VTA1: variants seen among roughly 807,000 people sequenced by gnomAD.
The protein encoded by VTA1 is vacuolar protein sorting-associated protein VTA1 homolog.
In VTA1, 24 loss-of-function variants were observed where a neutral mutation model predicts 36.9. The observed-to-expected ratio is 0.65, with a 90% CI of 0.47 to 0.91. The LOEUF is 0.91. Among genes scored for constraint, VTA1 ranks in the 40% least tolerant of loss-of-function variants. VTA1 has a pLI of 0.00. For missense variants in VTA1, 393 were observed against 377.2 expected (o/e 1.04, Z -0.35); for synonymous variants, 142 against 130.2 (o/e 1.09, Z -0.62).
chr6:142,195,590 A>AT, intron 5 of VTA1, among the ~76,000 whole-genome samples: 1 of 108,730 alleles, frequency 9.2e-6, no homozygotes, highest in South Asian at 2.9e-4. Context: ...TTGGAGTTTA[A>AT]TTTGCTTTTT....
At chr6:142,208,906 G>GA (rs2114683605) in intron 7 of VTA1, among the ~76,000 whole-genome samples, 1 of 152,260 alleles carries the variant, frequency 6.6e-6, no homozygotes, top group South Asian at 2.1e-4. Context: ...CAGTCTGAAA[G>GA]AAAACACTAA....
rs150957076 is a variant in VTA1 at position 142,202,346 on chromosome 6, A to G, written c.698-1639A>G. On this transcript the variant is annotated intron_variant, in intron 6 of 7. Coordinates refer to ENST00000367630, the MANE Select transcript of VTA1 (RefSeq NM_016485.5). ...CATTTATACTTTTATACAGTTTTCT[A>G]TAAATATATTCATATACACAGTATA... Among the ~76,000 whole-genome samples, 175 of 152,056 alleles carry G rather than the reference A, an allele frequency of 1.2e-3. 2 individuals carry two copies. In the East Asian group the frequency reaches 0.031, roughly 27 times the overall value.
intron 1 of VTA1, among the ~76,000 whole-genome samples, chr6:142,149,652 T>A (rs1778527577): frequency 6.6e-6 from 1 of 152,240 alleles, no homozygotes; most frequent in Non-Finnish European, 1.5e-5. Flanking sequence ...CCCATTTCAG[T>A]TTGATTTTTC....
chr6:142,170,275 A>G, intron 3 of VTA1, 71 bp from the exon 4 acceptor site: 1 of 1,151,172 alleles, frequency 8.7e-7, no homozygotes. Context: ...TTTTTTTCTT[A>G]TAGCTAAATG....
intron 2 of VTA1, among the ~76,000 whole-genome samples, chr6:142,166,808 T>C (rs1173759857): frequency 1.3e-5 from 2 of 152,050 alleles, no homozygotes; most frequent in Non-Finnish European, 2.9e-5. Context: ...TATATTTTGG[T>C]AGAGATGGAG....
intron 4 of VTA1, among the ~76,000 whole-genome samples, chr6:142,176,444 T>A (rs1775126597): frequency 6.6e-6 from 1 of 152,190 alleles, no homozygotes; most frequent in Admixed American, 6.5e-5. Context: ...TGGCAGTACC[T>A]AACATTAGCC....
At chr6:142,218,439 A>T in intron 7 of VTA1, 59 bp from the exon 8 acceptor site, 1 of 1,572,234 alleles carries the variant, frequency 6.4e-7, no homozygotes, top group Non-Finnish European at 8.6e-7. Context: ...GCATTTGCCC[A>T]ACCTTACAGA....
At chr6:142,157,079 G>A (rs756468176) in intron 1 of VTA1, among the ~76,000 whole-genome samples, 3 of 152,162 alleles carry the variant, frequency 2.0e-5, no homozygotes, top group Non-Finnish European at 4.4e-5. Context: ...CAGAAGAATC[G>A]CTTGAACCCA....
At position 142,211,572 on chromosome 6, in the gene VTA1, G is replaced by A. The variant is rs551029753; in HGVS notation, c.779-6926G>A. 8.5e-5 allele frequency among the ~76,000 whole-genome samples: 13 copies of A among 152,122 alleles called. No homozygotes were observed. The East Asian group carries it at 9.7e-4, about 11-fold the overall frequency. The stretch of plus-strand genomic sequence containing the variant: ...TAAAAATACAAAAAATTAGCCGGGC[G>A]CGGTGGCAGGCGCCTCTAATCCCAG... On this transcript the variant is annotated intron_variant, in intron 7 of 7. Transcript: ENST00000367630.
At chr6:142,165,995 T>A (rs1391348431) in intron 1 of VTA1, among the ~76,000 whole-genome samples, 3 of 150,744 alleles carry the variant, frequency 2.0e-5, no homozygotes, top group African/African-American at 7.4e-5. Flanking sequence ...TTTTTTTTTT[T>A]AACATAATAC....
intron 4 of VTA1, among the ~76,000 whole-genome samples, chr6:142,187,420 G>A (rs1443864452): frequency 1.3e-5 from 2 of 152,136 alleles, no homozygotes; most frequent in Non-Finnish European, 2.9e-5. Flanking sequence ...ATTAGCAAGA[G>A]CAATTCCTCA....
intron 4 of VTA1, among the ~76,000 whole-genome samples, chr6:142,184,902 A>G (rs1775310855): frequency 6.6e-6 from 1 of 152,182 alleles, no homozygotes; most frequent in Admixed American, 6.5e-5. Context: ...AATGCTATAA[A>G]GATGTCAGTC....
At chr6:142,148,575 G>A (rs1198472162) in intron 1 of VTA1, among the ~76,000 whole-genome samples, 3 of 152,222 alleles carry the variant, frequency 2.0e-5, no homozygotes, top group Non-Finnish European at 4.4e-5. Flanking sequence ...AGTAGGCGCT[G>A]TGACTACATT....
intron 1 of VTA1, among the ~76,000 whole-genome samples, chr6:142,155,547 T>A (rs138347402): frequency 6.6e-6 from 1 of 152,230 alleles, no homozygotes; most frequent in Non-Finnish European, 1.5e-5. Context: ...GGAATTATTA[T>A]ACATGCAGTT....
intron 7 of VTA1, among the ~76,000 whole-genome samples, chr6:142,211,170 A>C (rs1775895751): frequency 6.6e-6 from 1 of 152,072 alleles, no homozygotes; most frequent in African/African-American, 2.4e-5. Flanking sequence ...CCAGGAAGGA[A>C]AGGGGGAAGG....
intron 7 of VTA1, among the ~76,000 whole-genome samples, chr6:142,213,721 C>T (rs889531017): frequency 6.6e-6 from 1 of 152,170 alleles, no homozygotes; most frequent in Admixed American, 6.5e-5. Flanking sequence ...TTGGTGTGGC[C>T]ATGGCCCAAG....
intron 1 of VTA1, among the ~76,000 whole-genome samples, chr6:142,150,127 G>C (rs549546132): frequency 5.3e-5 from 8 of 152,052 alleles, no homozygotes; most frequent in African/African-American, 1.7e-4. Context: ...ATAGTTTCTT[G>C]TTACTGATAT....
intron 4 of VTA1, among the ~76,000 whole-genome samples, chr6:142,185,885 G>A (rs1294693135): frequency 6.6e-6 from 1 of 152,126 alleles, no homozygotes; most frequent in African/African-American, 2.4e-5. Flanking sequence ...TACTTCCTGA[G>A]CAACTACTGC....
At chr6:142,182,891 G>T (rs1415336620) in intron 4 of VTA1, among the ~76,000 whole-genome samples, 1 of 152,176 alleles carries the variant, frequency 6.6e-6, no homozygotes, top group African/African-American at 2.4e-5. Flanking sequence ...ATCATCAAGT[G>T]TAGAAAGAAG....
Sources: gnomAD v4.1 joint callset for allele counts (sites outside exome capture counted in the v4.1 genomes callset) on GRCh38, gnomAD v4.1.1 for gene constraint, MANE v1.5 for transcripts, NCBI Gene and HGNC (gene_info 2026-07-23, HGNC 2026-07-21) for gene names.